The following APEH variants were observed in gnomAD, a reference collection of about 807,000 sequenced individuals.
The protein encoded by APEH is acylamino-acid-releasing enzyme.
Under a neutral mutation model 102.7 loss-of-function variants are expected in APEH, and 75 were observed. The ratio of observed to expected loss-of-function variants is 0.73; its 90% CI spans 0.61 to 0.89. The LOEUF is 0.89. APEH is among the 40% of genes least tolerant of loss of function. APEH has a pLI of 0.00. For missense variants in APEH, 863 were observed against 941.2 expected, an observed-to-expected ratio of 0.92 and a Z score of 1.09; for synonymous variants, 344 against 362.7, an observed-to-expected ratio of 0.95 and a Z score of 0.59.
chr3:49,675,641 C>T, intron 3 of APEH, 53 bp from the exon 4 acceptor site: 1 of 1,507,908 alleles, frequency 6.6e-7, no homozygotes, highest in Non-Finnish European at 9.2e-7. Flanking sequence ...CAGTAGGGAG[C>T]AGGAAGGGGT....
chr3:49,678,378 G>A (rs552119017), intron 11 of APEH, among the ~76,000 whole-genome samples: 6 of 152,278 alleles, frequency 3.9e-5, no homozygotes, highest in African/African-American at 1.2e-4. Flanking sequence ...TTTCTTCATG[G>A]AGGGGTGATT....
chr3:49,676,533 G>T lies in APEH; in HGVS notation c.744+18G>T, dbSNP rs1364491730. 2 of 1,614,140 alleles carry T rather than the reference G, an allele frequency of 1.2e-6. No homozygotes were observed. The highest frequency in any genetic ancestry group is 1.7e-6 in the Non-Finnish European group (2 of 1,180,046). Reference sequence around the variant, plus strand: ...CTGGACAGGTCAGCAGCAACAGCCTGTGTCCCCCCTGGAGTCTGGGACCCT... The same window carrying T: ...CTGGACAGGTCAGCAGCAACAGCCTTTGTCCCCCCTGGAGTCTGGGACCCT... On this transcript the variant is annotated intron_variant, in intron 7 of 21. Coordinates refer to ENST00000296456, the MANE Select transcript of APEH (RefSeq NM_001640.4).
rs1273131434 is a variant in APEH, at chr3:49,675,400, G to A, written c.272+91G>A. On this transcript the variant is annotated intron_variant, in intron 3 of 21. Transcript: ENST00000296456. ...TGCTCACCATGTGCCTAGAAGGGAG[G>A]CCAGCAGCCAGGTTCTTGCCCCCTT... is the stretch of plus-strand genomic sequence containing the variant. 11 of 1,534,442 alleles carry A rather than the reference G, an allele frequency of 7.2e-6. No homozygotes were observed. In the East Asian group the frequency reaches 9.5e-5, roughly 13 times the overall value.
In APEH at chr3:49,681,894, C is replaced by T; in HGVS notation, c.1530C>T (p.Pro510=). Residue 510 remains proline (P), a synonymous_variant, in exon 17 of 22, where the codon CCC becomes CCT. Transcript: ENST00000296456. ...TCCGCTCCCTGTCTGCAGGGGGGCC[C>T]CATTCATCCTTTGTCACTGCCTGGA... The part of the protein sequence containing the change: ...VPMVVMPHGG[P]HSSFVTAWML... The T allele has an allele frequency of 6.2e-7, 1 of 1,614,156 alleles. No individual in the cohort carries two copies. The highest frequency in any genetic ancestry group is 8.5e-7 in the Non-Finnish European group (1 of 1,179,996).
At position 49,675,951 on chromosome 3, in the gene APEH, C is replaced by T; in HGVS notation, c.427C>T (p.Pro143Ser). 1.9e-6 allele frequency: 3 copies of T among 1,614,176 alleles called. No individual in the cohort carries two copies. The highest frequency in any genetic ancestry group is 2.5e-6 in the Non-Finnish European group (3 of 1,180,024). Residue 143 changes from proline to serine, a missense_variant, in exon 5 of 22, where the codon CCT (proline) becomes TCT (serine). By Grantham distance (74) the Pro-to-Ser change is moderately conservative. Transcript: ENST00000296456. Reference sequence around the variant, plus strand: ...CCTGTCAGCGCTGGAGAAACATGGGCCTGTTTATGAGGATGGTGAGGCATC... The same window carrying T: ...CCTGTCAGCGCTGGAGAAACATGGGTCTGTTTATGAGGATGGTGAGGCATC... ...FNLSALEKHG[P>S]VYEDDCFGCL... is the part of the protein sequence containing the mutation.
At chr3:49,678,227 A>T (rs985222563) in intron 11 of APEH, among the ~76,000 whole-genome samples, 3 of 152,162 alleles carry the variant, frequency 2.0e-5, no homozygotes, top group African/African-American at 4.8e-5. Context: ...GGTCAGTTCC[A>T]GGAGTTCAGT....
At chr3:49,678,465 C>A (rs776569434) in intron 11 of APEH, among the ~76,000 whole-genome samples, 1 of 152,168 alleles carries the variant, frequency 6.6e-6, no homozygotes, top group Non-Finnish European at 1.5e-5. Flanking sequence ...ACTGAGCCCC[C>A]TGTGCCAAGC....
chr3:49,680,458 C>G, intron 13 of APEH, 83 bp from the exon 14 acceptor site: 2 of 1,305,498 alleles, frequency 1.5e-6, no homozygotes, highest in Non-Finnish European at 2.2e-6. Context: ...CATAGAGTCT[C>G]CAGCCTGGGA....
chr3:49,674,517 C>T lies in APEH; in HGVS notation c.41C>T (p.Ala14Val), dbSNP rs201948108. The T allele has an allele frequency of 3.8e-6, 6 of 1,565,160 alleles. No individual in the cohort carries two copies. Among genetic ancestry groups the T allele is most frequent in the East Asian group, 2.3e-5 (1 of 43,394 alleles). Residue 14 changes from alanine (A) to valine (V), a missense_variant, in exon 2 of 22, where the codon GCG (alanine) becomes GTG (valine). Transcript: ENST00000296456. ...QVLLSEPEEA[A>V]ALYRGLSRQP... Reference sequence around the variant, plus strand: ...CTGCTGAGCGAGCCCGAGGAGGCGGCGGCTCTGTATCGGGGCCTTAGCCGC... The same window carrying T: ...CTGCTGAGCGAGCCCGAGGAGGCGGTGGCTCTGTATCGGGGCCTTAGCCGC...
At chr3:49,674,204 G>A, upstream of APEH, 2 of 674,276 alleles carry the variant, frequency 3.0e-6, no homozygotes. Flanking sequence ...AGGACTTCTC[G>A]CTCCCAGGCC....
Position 49,683,908 on chromosome 3 carries a change from C to G in APEH, c.*566C>G, listed in dbSNP as rs2108134637. On this transcript the variant is annotated 3_prime_UTR_variant, in exon 22 of 22. Coordinates refer to ENST00000296456, the MANE Select transcript of APEH (RefSeq NM_001640.4). ...CCACCCGAGCCCTAGCAAGGAGTCA[C>G]TGACACATTTCCTGGAAGCAAAGGC... The G allele has an allele frequency of 1.4e-6, 2 of 1,469,826 alleles. No individual in the cohort carries two copies. The highest frequency in any genetic ancestry group is 4.6e-5 in the East Asian group (2 of 43,766). The allele number at this position is 1,469,826 out of a possible 1,614,324, so 91.0% of individuals were successfully genotyped here.
At chr3:49,680,487 G>A in intron 13 of APEH, 54 bp from the exon 14 acceptor site, 1 of 1,489,784 alleles carries the variant, frequency 6.7e-7, no homozygotes, top group Non-Finnish European at 9.4e-7. Flanking sequence ...CAGAGAAGCA[G>A]GTAAGAAAGG....
At chr3:49,673,881 G>C (rs4855883), upstream of APEH, 75,240 of 153,502 alleles carry the variant, frequency 0.49, 20,438 homozygotes, top group East Asian at 0.95. Flanking sequence ...GCTCCAATCC[G>C]GACCCGCCCG....
chr3:49,675,293 G>A lies in APEH; in HGVS notation c.256G>A (p.Val86Met). The stretch of plus-strand genomic sequence containing the variant: ...GTTTGCAGGACCTGCAGGCAACAGT[G>A]TGGAGACCCGGGGGGAGTAAGTTTG... ...VVFAGPAGNS[V>M]ETRGELLSRE... Residue 86 changes from valine to methionine, a missense_variant, in exon 3 of 22, where the codon GTG becomes ATG. By Grantham distance (21) the Val-to-Met change is conservative (BLOSUM62 1). Transcript: ENST00000296456. The A allele has an allele frequency of 6.2e-7, 1 of 1,613,978 alleles. No homozygotes were observed. The highest frequency in any genetic ancestry group is 8.5e-7 in the Non-Finnish European group (1 of 1,179,956).
chr3:49,679,027 C>G lies in APEH; in HGVS notation c.1158+78C>G, dbSNP rs1393768810. On this transcript the variant is annotated intron_variant, in intron 12 of 21. Transcript: ENST00000296456. This position sits in a 1 kb window ranked among gnomAD's most constrained non-coding sequence, Gnocchi z 4.3. ...GCCCTGGGGGTTGCATGTGCATGCC[C>G]CTGGGTGGAATGCCCAGCCACAAAG... The G allele has an allele frequency of 1.7e-6, 2 of 1,207,874 alleles. No homozygotes were observed. The highest frequency in any genetic ancestry group is 3.0e-5 in the African/African-American group (2 of 65,890). 74.8% of individuals were successfully genotyped at this position (1,207,874 alleles called of 1,614,324 possible).
intron 21 of APEH, 32 bp from the exon 22 acceptor site, chr3:49,683,205 C>T: frequency 5.6e-6 from 9 of 1,609,920 alleles, no homozygotes; most frequent in Non-Finnish European, 7.7e-6. Context: ...GAGGACCCTC[C>T]AACCTTAAAT....
chr3:49,674,243 C>G (rs968944786), upstream of APEH: 11 of 961,016 alleles, frequency 1.1e-5, no homozygotes, highest in Non-Finnish European at 1.5e-5. Flanking sequence ...GGCCCGCCCC[C>G]TGCCAACGGT....
intron 13 of APEH, chr3:49,680,198 C>T (rs952390668): frequency 4.0e-5 from 14 of 345,882 alleles, no homozygotes; most frequent in Non-Finnish European, 7.8e-5. Context: ...ACTGCTTGGA[C>T]ACCACTGCCC....
At position 49,674,757 on chromosome 3, in the gene APEH, C is replaced by T. The variant is rs911461086; in HGVS notation, c.145+136C>T. The T allele has an allele frequency of 5.7e-6, 7 of 1,236,856 alleles. No individual in the cohort carries two copies. The East Asian group carries it at 7.6e-5, about 14-fold the overall frequency. The allele number at this position is 1,236,856 out of a possible 1,614,324, so 76.6% of individuals were successfully genotyped here. A position where few individuals can be genotyped will look rare whatever the true frequency, so the allele number is the denominator to read the frequency against. On this transcript the variant is annotated intron_variant, in intron 2 of 21. Coordinates refer to ENST00000296456, the MANE Select transcript of APEH (RefSeq NM_001640.4). ...GGCCTGGACTTGGAGGTTACACTCC[C>T]ACAGGTCCCTGCACACAGGTGTGTG...
Sources: gnomAD v4.1 joint callset for allele counts (sites outside exome capture counted in the v4.1 genomes callset) on GRCh38, gnomAD v4.1.1 for gene constraint, Gnocchi (gnomAD v3.1) non-coding constraint, MANE v1.5 for transcripts, NCBI Gene and HGNC (gene_info 2026-07-23, HGNC 2026-07-21) for gene names.